The following CACNA2D2 variants were observed in gnomAD, a reference collection of about 807,000 sequenced individuals.
CACNA2D2 encodes the protein voltage-dependent calcium channel subunit alpha-2/delta-2.
CACNA2D2 carries 48 observed loss-of-function variants against 166.4 expected under a neutral mutation model. That is an observed-to-expected ratio of 0.29 (90% CI 0.23 to 0.37). CACNA2D2 has a LOEUF of 0.37. CACNA2D2 is among the 10% of genes least tolerant of loss of function. CACNA2D2 has a pLI of 1.00. For synonymous variants in CACNA2D2, 561 were observed against 573.7 expected (o/e 0.98, Z 0.32); for missense variants, 1,122 against 1,433.0 (o/e 0.78, Z 3.50).
rs147067914 is a variant in CACNA2D2 at position 50,476,646 on chromosome 3, C to T, written c.207-447G>A. ...GCCAGGTGGGGCCTAGAGAAGGGGA[C>T]GGAACACTGCTGTCACCAAGTCATT... On this transcript the variant is annotated intron_variant, in intron 1 of 37. Coordinates refer to ENST00000424201, the MANE Select transcript of CACNA2D2 (RefSeq NM_006030.4). Among the ~76,000 whole-genome samples, 72 of 152,312 alleles carry T rather than the reference C, an allele frequency of 4.7e-4. No homozygotes were observed. In the East Asian group the frequency reaches 0.013, roughly 28 times the overall value.
Position 50,364,953 on chromosome 3 carries a change from A to G in CACNA2D2, c.3226T>C (p.Cys1076Arg). 1.2e-6 allele frequency: 2 copies of G among 1,612,318 alleles called. No homozygotes were observed. Among genetic ancestry groups the G allele is most frequent in the Non-Finnish European group, 1.7e-6 (2 of 1,179,622 alleles). The change falls in exon 37 of 38, where the codon TGT (cysteine) becomes CGT (arginine). Residue 1076 changes from cysteine (C) to arginine (R), a missense_variant. By Grantham distance (180) the Cys-to-Arg change is radical (BLOSUM62 -3). Coordinates refer to ENST00000424201, the MANE Select transcript of CACNA2D2 (RefSeq NM_006030.4). ...TATCGCGGTCTCTGCACTAGCTCAC[A>G]CTGCTCCGGGCCGTCCGCTGGGCAT... ...KETHSDGPEQ[C>R]ELVQRPRYRR...
intron 2 of CACNA2D2, among the ~76,000 whole-genome samples, chr3:50,444,541 T>C (rs1351468929): frequency 6.6e-6 from 1 of 152,140 alleles, no homozygotes; most frequent in Non-Finnish European, 1.5e-5. Flanking sequence ...CCTTCCAGGG[T>C]TGCTCCCAAG....
At chr3:50,411,639 CAGA>C (rs1262753287) in intron 3 of CACNA2D2, among the ~76,000 whole-genome samples, 3 of 152,210 alleles carry the variant, frequency 2.0e-5, no homozygotes, top group African/African-American at 4.8e-5. Flanking sequence ...ATCCATTTTT[CAGA>C]AGGAGGAAGC....
intron 3 of CACNA2D2, among the ~76,000 whole-genome samples, chr3:50,423,065 C>T (rs1158120124): frequency 3.3e-5 from 5 of 152,192 alleles, no homozygotes; most frequent in African/African-American, 1.2e-4. Flanking sequence ...CCCCTCAGTG[C>T]CAGTCACCAA....
intron 2 of CACNA2D2, among the ~76,000 whole-genome samples, chr3:50,454,414 C>T (rs1709255910): frequency 6.6e-6 from 1 of 152,180 alleles, no homozygotes; most frequent in Non-Finnish European, 1.5e-5. Context: ...GCCCCCACAA[C>T]AGCCCCCCAG....
chr3:50,365,188 C>G lies in CACNA2D2; in HGVS notation c.3099-4G>C. Reference sequence around the variant, plus strand: ...CAGTCTCTGCGCGTGGAACAGCCTGCGGGCAGCCCGGAAAGGCGGGGCGTT... The same window carrying G: ...CAGTCTCTGCGCGTGGAACAGCCTGGGGGCAGCCCGGAAAGGCGGGGCGTT... On this transcript the variant is annotated splice_region_variant and splice_polypyrimidine_tract_variant and intron_variant, in intron 35 of 37. Coordinates refer to ENST00000424201, the MANE Select transcript of CACNA2D2 (RefSeq NM_006030.4). The surrounding 1 kb of genome is among the most constrained non-coding windows in gnomAD (Gnocchi z 4.5). 1 of 1,611,572 alleles carries G rather than the reference C, an allele frequency of 6.2e-7. No individual in the cohort carries two copies. The highest frequency in any genetic ancestry group is 1.3e-5 in the African/African-American group (1 of 74,964).
At chr3:50,466,393 C>G (rs537665105) in intron 2 of CACNA2D2, among the ~76,000 whole-genome samples, 3 of 152,324 alleles carry the variant, frequency 2.0e-5, no homozygotes, top group African/African-American at 7.2e-5. Flanking sequence ...CCTGCCTCCT[C>G]ACAGTCCCAC....
intron 3 of CACNA2D2, among the ~76,000 whole-genome samples, chr3:50,421,140 T>A (rs1185028531): frequency 2.0e-5 from 3 of 152,200 alleles, no homozygotes; most frequent in Non-Finnish European, 4.4e-5. Context: ...AGCTCACCTG[T>A]GAGGTGGCCC....
upstream of CACNA2D2, chr3:50,504,145 C>A (rs1468321036): frequency 1.3e-5 from 2 of 152,278 alleles, no homozygotes; most frequent in Non-Finnish European, 2.9e-5. Flanking sequence ...CAGAAAGGGC[C>A]TGGACCTCCT....
chr3:50,382,132 ATG>A (rs749544082), intron 6 of CACNA2D2, among the ~76,000 whole-genome samples: 2 of 151,922 alleles, frequency 1.3e-5, no homozygotes, highest in Admixed American at 6.6e-5. Flanking sequence ...GGGCGGCCTG[ATG>A]TGTGTGTGTG....
At chr3:50,428,547 AG>A (rs1015252225) in intron 3 of CACNA2D2, among the ~76,000 whole-genome samples, 1 of 152,206 alleles carries the variant, frequency 6.6e-6, no homozygotes, top group Non-Finnish European at 1.5e-5. Flanking sequence ...TGTGTGCAGA[AG>A]GGTTTTTAAT....
At chr3:50,473,710 A>G (rs551350542) in intron 2 of CACNA2D2, among the ~76,000 whole-genome samples, 2 of 152,286 alleles carry the variant, frequency 1.3e-5, no homozygotes, top group African/African-American at 4.8e-5. Flanking sequence ...GTGGAGGGCT[A>G]GGGAGCAAAC....
At chr3:50,477,852 G>A (rs1161707317) in intron 1 of CACNA2D2, among the ~76,000 whole-genome samples, 1 of 152,102 alleles carries the variant, frequency 6.6e-6, no homozygotes, top group African/African-American at 2.4e-5. Context: ...ACTTGGGCCA[G>A]GACTGTTCTG....
intron 1 of CACNA2D2, among the ~76,000 whole-genome samples, chr3:50,489,940 T>C (rs1698454515): frequency 6.6e-6 from 1 of 152,204 alleles, no homozygotes; most frequent in African/African-American, 2.4e-5. Flanking sequence ...CCCCATGGAC[T>C]GAGTGTCCCA....
chr3:50,457,619 C>A (rs1049256125), intron 2 of CACNA2D2, among the ~76,000 whole-genome samples: 1 of 152,186 alleles, frequency 6.6e-6, no homozygotes, highest in Non-Finnish European at 1.5e-5. Flanking sequence ...AGCCTTTAGC[C>A]CCAGGTCCAG....
intron 3 of CACNA2D2, among the ~76,000 whole-genome samples, chr3:50,418,958 T>C (rs186616911): frequency 1.4e-3 from 209 of 152,240 alleles, no homozygotes; most frequent in Non-Finnish European, 1.6e-3. Context: ...GGGATGATCC[T>C]GGATGAGTCT....
At chr3:50,473,765 A>C (rs1010036765) in intron 2 of CACNA2D2, among the ~76,000 whole-genome samples, 2 of 152,056 alleles carry the variant, frequency 1.3e-5, no homozygotes, top group African/African-American at 4.8e-5. Flanking sequence ...CTTCCTCTAG[A>C]ACTCTACACC....
At chr3:50,494,093 CG>C (rs751005430) in intron 1 of CACNA2D2, among the ~76,000 whole-genome samples, 1 of 152,006 alleles carries the variant, frequency 6.6e-6, no homozygotes, top group East Asian at 1.9e-4. Context: ...GCAAGCCTGG[CG>C]GGGGGTCCAA....
Position 50,372,008 on chromosome 3 carries a change from G to T in CACNA2D2, c.1985-1628C>A, listed in dbSNP as rs587699406. On this transcript the variant is annotated intron_variant, in intron 22 of 37. Coordinates refer to ENST00000424201, the MANE Select transcript of CACNA2D2 (RefSeq NM_006030.4). ...GACTAGGCTGGACAGGGCCCCTAGG[G>T]CTTCTTGGGTGCCCCTGCTTCCAGG... is the stretch of plus-strand genomic sequence containing the variant. 2.6e-5 allele frequency among the ~76,000 whole-genome samples: 4 copies of T among 152,052 alleles called. No homozygotes were observed. In the South Asian group the frequency reaches 6.2e-4, roughly 24 times the overall value.
Sources: gnomAD v4.1 joint callset for allele counts (sites outside exome capture counted in the v4.1 genomes callset) on GRCh38, gnomAD v4.1.1 for gene constraint, Gnocchi (gnomAD v3.1) non-coding constraint, MANE v1.5 for transcripts, NCBI Gene and HGNC (gene_info 2026-07-23, HGNC 2026-07-21) for gene names.